WWOX: variants seen among roughly 807,000 people sequenced by gnomAD.
WWOX encodes the protein WW domain containing oxidoreductase, also known as WW domain-containing oxidoreductase.
WWOX carries 69 observed loss-of-function variants against 46.2 expected under a neutral mutation model. The ratio of observed to expected loss-of-function variants is 1.49; its 90% CI spans 1.23 to 1.82. The LOEUF (loss-of-function observed/expected upper bound fraction) is 1.82. WWOX is among the 40% of genes most tolerant of loss of function. The probability of loss-of-function intolerance (pLI) is 0.00; values close to 1 mark genes in which losing one functional copy is unlikely to be tolerated. For synonymous variants in WWOX, 359 were observed against 202.6 expected (o/e 1.77, Z -6.56); for missense variants, 919 against 542.6 (o/e 1.69, Z -6.89).
At chr16:78,618,740 G>A (rs767248990) in intron 8 of WWOX, among the ~76,000 whole-genome samples, 3 of 151,954 alleles carry the variant, frequency 2.0e-5, no homozygotes, top group African/African-American at 4.8e-5. Context: ...ACTCATGAGA[G>A]AATTCCCCAC....
intron 8 of WWOX, among the ~76,000 whole-genome samples, chr16:79,134,329 G>A (rs929763918): frequency 3.3e-5 from 5 of 152,140 alleles, no homozygotes; most frequent in Non-Finnish European, 5.9e-5. Context: ...GGTAAAGAAA[G>A]GTGGATTTAT....
At chr16:78,481,038 T>A (rs2084473538) in intron 8 of WWOX, among the ~76,000 whole-genome samples, 1 of 152,232 alleles carries the variant, frequency 6.6e-6, no homozygotes, top group Non-Finnish European at 1.5e-5. Context: ...AATCACAGTT[T>A]GATCAGAAGT....
chr16:78,111,137 C>T (rs2032465620), intron 3 of WWOX, among the ~76,000 whole-genome samples: 1 of 152,188 alleles, frequency 6.6e-6, no homozygotes, highest in East Asian at 1.9e-4. Flanking sequence ...GTGTGGTCTT[C>T]CTTCCCCTAA....
intron 5 of WWOX, among the ~76,000 whole-genome samples, chr16:78,293,011 C>G (rs1377696600): frequency 1.3e-5 from 2 of 152,188 alleles, no homozygotes; most frequent in Non-Finnish European, 2.9e-5. Context: ...CTTGTTGGTC[C>G]TTTGCTCTTG....
intron 5 of WWOX, among the ~76,000 whole-genome samples, chr16:78,323,404 C>T (rs544435012): frequency 3.9e-5 from 6 of 152,216 alleles, no homozygotes; most frequent in Non-Finnish European, 5.9e-5. Context: ...TGCGCCCGGC[C>T]GGGGATCTTG....
chr16:78,491,297 C>A (rs1314464169), intron 8 of WWOX, among the ~76,000 whole-genome samples: 3 of 152,198 alleles, frequency 2.0e-5, no homozygotes, highest in African/African-American at 7.2e-5. Flanking sequence ...ACAAGGTCAT[C>A]TTTTCCCCTG....
chr16:79,208,319 C>A (rs930744435), intron 8 of WWOX, among the ~76,000 whole-genome samples: 3 of 152,100 alleles, frequency 2.0e-5, no homozygotes, highest in Non-Finnish European at 1.5e-5. Context: ...TAGACACCTC[C>A]CCCGTTTCCC....
rs543313591 is a variant in WWOX at position 78,443,715 on chromosome 16, C to T, written c.1056+10963C>T. Among the ~76,000 whole-genome samples the T allele has an allele frequency of 6.6e-5, 10 of 152,290 alleles. No homozygotes were observed. In the South Asian group the frequency reaches 1.2e-3, roughly 19 times the overall value. On this transcript the variant is annotated intron_variant, in intron 8 of 8. Coordinates refer to ENST00000566780, the MANE Select transcript of WWOX (RefSeq NM_016373.4). ...TCCCCTAGTTTTATCTTCCCGGTTTCCTTTTCTTCTGTGTGCCCGTTGGCA... is the reference window on the plus strand; with the variant it reads ...TCCCCTAGTTTTATCTTCCCGGTTTTCTTTTCTTCTGTGTGCCCGTTGGCA...
chr16:79,119,584 CCAA>C (rs943770541), intron 8 of WWOX, among the ~76,000 whole-genome samples: 2 of 152,138 alleles, frequency 1.3e-5, no homozygotes, highest in African/African-American at 4.8e-5. Flanking sequence ...TCTCATTTTT[CCAA>C]CAAGGCAACT....
At chr16:78,501,872 A>T (rs2085078606) in intron 8 of WWOX, among the ~76,000 whole-genome samples, 1 of 152,116 alleles carries the variant, frequency 6.6e-6, no homozygotes, top group South Asian at 2.1e-4. Flanking sequence ...ATGGTGGGGA[A>T]GGATGTTGCG....
At chr16:78,314,414 A>T (rs1240862979) in intron 5 of WWOX, among the ~76,000 whole-genome samples, 3 of 151,132 alleles carry the variant, frequency 2.0e-5, no homozygotes, top group Admixed American at 1.3e-4. Context: ...TCAAAAAAAA[A>T]AAAAAAAAAG....
chr16:78,989,002 T>A (rs371677261), intron 8 of WWOX, among the ~76,000 whole-genome samples: 21 of 152,342 alleles, frequency 1.4e-4, no homozygotes, highest in African/African-American at 5.1e-4. Context: ...ACCTGAGTTC[T>A]CTGTTAAAAC....
At chr16:78,541,270 C>G (rs529928726) in intron 8 of WWOX, among the ~76,000 whole-genome samples, 1 of 151,240 alleles carries the variant, frequency 6.6e-6, no homozygotes, top group South Asian at 2.1e-4. Context: ...GTCAGGAGAT[C>G]GAGACCATCC....
intron 8 of WWOX, among the ~76,000 whole-genome samples, chr16:78,460,011 T>A (rs2083912307): frequency 6.6e-6 from 1 of 151,662 alleles, no homozygotes; most frequent in Non-Finnish European, 1.5e-5. Context: ...TTCACCATGT[T>A]GTTCAGGCTA....
intron 8 of WWOX, among the ~76,000 whole-genome samples, chr16:78,468,061 C>G (rs2084124061): frequency 6.6e-6 from 1 of 152,072 alleles, no homozygotes; most frequent in Admixed American, 6.6e-5. Context: ...TTTTCCAAGC[C>G]ACCAATCAAA....
intron 8 of WWOX, among the ~76,000 whole-genome samples, chr16:78,631,168 G>C (rs1396309208): frequency 4.6e-5 from 7 of 152,060 alleles, no homozygotes; most frequent in Admixed American, 6.6e-5. Flanking sequence ...TATTTGGGGG[G>C]GTTCCTTGAA....
chr16:78,387,699 A>G (rs1231636686), intron 6 of WWOX, among the ~76,000 whole-genome samples: 3 of 152,086 alleles, frequency 2.0e-5, no homozygotes, highest in Non-Finnish European at 4.4e-5. Flanking sequence ...CCAAGTGTTT[A>G]TTTTTACTCA....
intron 8 of WWOX, among the ~76,000 whole-genome samples, chr16:78,656,938 C>G (rs2047094863): frequency 6.6e-6 from 1 of 152,216 alleles, no homozygotes; most frequent in South Asian, 2.1e-4. Context: ...CTCTGACCAT[C>G]ATGGCGTCTG....
At chr16:79,179,862 C>G (rs149411188) in intron 8 of WWOX, among the ~76,000 whole-genome samples, 6 of 152,334 alleles carry the variant, frequency 3.9e-5, no homozygotes, top group African/African-American at 9.6e-5. Context: ...CCAAATGAGT[C>G]TAAGTACCCT....
Sources: gnomAD v4.1 joint callset for allele counts (sites outside exome capture counted in the v4.1 genomes callset) on GRCh38, gnomAD v4.1.1 for gene constraint, MANE v1.5 for transcripts, NCBI Gene and HGNC (gene_info 2026-07-23, HGNC 2026-07-21) for gene names.